Variants in CCDC57 observed in about 807,000 individuals in gnomAD.
CCDC57 encodes the protein coiled-coil domain containing 57.
In CCDC57, 118 loss-of-function variants were observed where a neutral mutation model predicts 118.9. The ratio of observed to expected loss-of-function variants is 0.99; its 90% CI spans 0.86 to 1.16. The LOEUF (loss-of-function observed/expected upper bound fraction) is 1.16. CCDC57 is among the 50% of genes most tolerant of loss of function. The pLI, the probability that CCDC57 is intolerant of heterozygous loss-of-function variation, is 0.00. For synonymous variants in CCDC57, 527 were observed against 532.9 expected, an observed-to-expected ratio of 0.99 and a Z score of 0.15; for missense variants, 1,300 against 1,320.7, an observed-to-expected ratio of 0.98 and a Z score of 0.24.
chr17:82,141,828 T>C (rs1222889810), intron 16 of CCDC57, among the ~76,000 whole-genome samples: 2 of 152,102 alleles, frequency 1.3e-5, no homozygotes, highest in Non-Finnish European at 2.9e-5. Flanking sequence ...GCAGAGAAAC[T>C]GTAGGGAAAA....
At position 82,137,954 on chromosome 17, in the gene CCDC57, G is replaced by A. The variant is rs570957014; in HGVS notation, c.2456-3760C>T. 2.6e-5 allele frequency among the ~76,000 whole-genome samples: 4 copies of A among 151,844 alleles called. No homozygotes were observed. In the South Asian group the frequency reaches 8.4e-4, roughly 32 times the overall value. On this transcript the variant is annotated intron_variant, in intron 16 of 19. Transcript: ENST00000665763. ...CCCAAAGTGCTGGGATTACAGGTGT[G>A]AGCCACTGTGCCCAGCCCCAGGAGA...
chr17:82,190,464 G>C (rs2047529795), intron 7 of CCDC57, among the ~76,000 whole-genome samples: 1 of 152,132 alleles, frequency 6.6e-6, no homozygotes, highest in Non-Finnish European at 1.5e-5. Context: ...GGGAGGCCGA[G>C]GTGCGCGGAC....
intron 16 of CCDC57, among the ~76,000 whole-genome samples, chr17:82,150,428 C>T (rs1351307884): frequency 6.7e-6 from 1 of 148,394 alleles, no homozygotes; most frequent in Non-Finnish European, 1.5e-5. Context: ...ACCTGACCCG[C>T]ACCTAGAACC....
exon 9 of CCDC57, chr17:82,183,919 C>A: frequency 6.2e-7 from 1 of 1,613,210 alleles, no homozygotes; most frequent in Non-Finnish European, 8.5e-7. Context: ...ACAGTTGATG[C>A]ATCTTCACGA....
rs573834205 is a variant in CCDC57 at position 82,189,285 on chromosome 17, G to A, written c.852-866C>T. Among the ~76,000 whole-genome samples, 10 of 148,582 alleles carry A rather than the reference G, an allele frequency of 6.7e-5. No individual in the cohort carries two copies. In the East Asian group the frequency reaches 1.9e-3, roughly 28 times the overall value. The stretch of plus-strand genomic sequence containing the variant: ...CCTGTCTCAAAAACAAACCACATTA[G>A]CAACAGTATTAAATAAATAAAAAAT... On this transcript the variant is annotated intron_variant, in intron 7 of 19. Transcript: ENST00000665763.
At chr17:82,162,522 C>T (rs1030191945) in intron 14 of CCDC57, among the ~76,000 whole-genome samples, 1 of 152,224 alleles carries the variant, frequency 6.6e-6, no homozygotes, top group Non-Finnish European at 1.5e-5. Flanking sequence ...TGAAGTGTGG[C>T]TCAACACTGA....
chr17:82,159,732 C>T (rs2043095521), intron 14 of CCDC57, among the ~76,000 whole-genome samples: 1 of 150,492 alleles, frequency 6.6e-6, no homozygotes, highest in Non-Finnish European at 1.5e-5. Context: ...AGTGCAGTAG[C>T]GCGATCTCAG....
intron 8 of CCDC57, among the ~76,000 whole-genome samples, chr17:82,185,566 C>T (rs2046824591): frequency 1.3e-5 from 2 of 151,926 alleles, no homozygotes; most frequent in African/African-American, 4.8e-5. Context: ...CTGCAGTGAA[C>T]CGAGATCACG....
rs368060305 is a variant in CCDC57, at chr17:82,127,682, A to G, written c.2899+10T>C. The G allele has an allele frequency of 1.8e-4, 294 of 1,589,814 alleles. 4 individuals are homozygous for G. Among genetic ancestry groups the G allele is most frequent in the Non-Finnish European group, 2.7e-5 (32 of 1,168,118 alleles). Reference sequence around the variant, plus strand: ...GCTGTGGGCAGCTCCTGGGGAGGGCAGTCTCCTACCTGGAGTTGAGTCACC... The same window carrying G: ...GCTGTGGGCAGCTCCTGGGGAGGGCGGTCTCCTACCTGGAGTTGAGTCACC... On this transcript the variant is annotated intron_variant, in intron 19 of 19. Coordinates refer to ENST00000665763, the Ensembl canonical transcript of CCDC57.
At chr17:82,157,542 A>G in intron 15 of CCDC57, 1 of 1,427,780 alleles carries the variant, frequency 7.0e-7, no homozygotes, top group Non-Finnish European at 9.1e-7. Flanking sequence ...AAGGACCAGG[A>G]GAAGAGGAGG....
At chr17:82,130,499 C>CT (rs35413191) in intron 17 of CCDC57, among the ~76,000 whole-genome samples, 33,144 of 88,908 alleles carry the variant, frequency 0.37, 8,148 homozygotes, top group East Asian at 0.87. Context: ...CCAGACAAAA[C>CT]TTTTTTTTTT....
intron 9 of CCDC57, among the ~76,000 whole-genome samples, chr17:82,179,551 T>C (rs971099184): frequency 6.6e-6 from 1 of 150,600 alleles, no homozygotes; most frequent in African/African-American, 2.4e-5. Context: ...CAGACCAGGG[T>C]GGACCCAGCC....
exon 6 of CCDC57, chr17:82,194,095 C>T (rs1248243306): frequency 6.2e-7 from 1 of 1,613,930 alleles, no homozygotes; most frequent in Admixed American, 1.7e-5. Context: ...CAGCCTTTGC[C>T]CCGGCTTCCT....
chr17:82,178,424 C>T, intron 11 of CCDC57, 50 bp downstream of exon 10: 1 of 1,535,966 alleles, frequency 6.5e-7, no homozygotes, highest in East Asian at 2.3e-5. Context: ...TCCTATTTTC[C>T]CACCGCTGCT....
exon 20 of CCDC57, chr17:82,101,797 A>C: frequency 6.2e-7 from 1 of 1,604,428 alleles, no homozygotes; most frequent in Non-Finnish European, 8.5e-7. Context: ...TGCTGTCTTC[A>C]TCCCTGGGGT....
At chr17:82,183,710 G>C in intron 9 of CCDC57, 64 bp downstream of exon 8, 1 of 1,464,442 alleles carries the variant, frequency 6.8e-7, no homozygotes, top group Non-Finnish European at 9.2e-7. Context: ...TGAATCCTTA[G>C]TACCTACAAC....
chr17:82,151,527 A>C (rs1328200034), intron 16 of CCDC57, 33 bp downstream of exon 15: 1 of 1,544,882 alleles, frequency 6.5e-7, no homozygotes, highest in South Asian at 1.2e-5. Context: ...CCTGACCCAC[A>C]CTCAGGCCAT....
chr17:82,114,202 C>A (rs771083186), intron 19 of CCDC57, among the ~76,000 whole-genome samples: 2 of 152,210 alleles, frequency 1.3e-5, no homozygotes, highest in Non-Finnish European at 2.9e-5. Flanking sequence ...ATGTCACAGC[C>A]GGCTCCTCAC....
intron 11 of CCDC57, among the ~76,000 whole-genome samples, chr17:82,174,911 C>T (rs1453115701): frequency 1.3e-5 from 2 of 152,168 alleles, no homozygotes; most frequent in East Asian, 1.9e-4. Flanking sequence ...GAATTTTGAG[C>T]GTTAGCCGTC....
Sources: allele counts gnomAD v4.1 joint callset (sites outside exome capture counted in the v4.1 genomes callset), GRCh38; gene constraint gnomAD v4.1.1; transcripts MANE v1.5; gene names NCBI Gene and HGNC (gene_info 2026-07-23, HGNC 2026-07-21).